Variants in PCDHA5 observed in about 807,000 individuals in gnomAD.
PCDHA5 encodes the protein protocadherin alpha 5.
A neutral mutation model predicts 61.6 loss-of-function variants in PCDHA5; 43 were observed. The ratio of observed to expected loss-of-function variants is 0.70; its 90% CI spans 0.55 to 0.90. PCDHA5 has a LOEUF of 0.90. Among genes scored for constraint, PCDHA5 ranks in the 40% least tolerant of loss-of-function variants. PCDHA5 has a pLI of 0.00. For missense variants in PCDHA5, 1,298 were observed against 1,222.7 expected, an observed-to-expected ratio of 1.06 and a Z score of -0.92; for synonymous variants, 627 against 543.9, an observed-to-expected ratio of 1.15 and a Z score of -2.13.
intron 1 of PCDHA5, among the ~76,000 whole-genome samples, chr5:140,872,820 T>C (rs1233972983): frequency 6.6e-6 from 1 of 152,216 alleles, no homozygotes; most frequent in African/African-American, 2.4e-5. Flanking sequence ...TTCAGATTCA[T>C]CTAGCAGAGA....
At chr5:140,860,219 A>C (rs2046275185) in intron 1 of PCDHA5, 1 of 151,166 alleles carries the variant, frequency 6.6e-6, no homozygotes, top group South Asian at 2.1e-4. Flanking sequence ...GTACTTATGT[A>C]TATATAAGCC....
At chr5:140,867,109 A>G (rs2049756406) in intron 1 of PCDHA5, 3 of 152,146 alleles carry the variant, frequency 2.0e-5, no homozygotes, top group South Asian at 2.1e-4. Context: ...CTAAATTAAC[A>G]TATTGTTTTA....
chr5:140,862,365 G>C, intron 1 of PCDHA5: 1 of 337,898 alleles, frequency 3.0e-6, no homozygotes, highest in South Asian at 2.4e-5. Flanking sequence ...CAGACGACCC[G>C]CACCCTGACT....
intron 1 of PCDHA5, among the ~76,000 whole-genome samples, chr5:140,873,284 T>C (rs1554166661): frequency 1.3e-5 from 2 of 152,208 alleles, no homozygotes; most frequent in Non-Finnish European, 2.9e-5. Context: ...ATACCACTTA[T>C]GAAACTTTAT....
intron 1 of PCDHA5, chr5:140,850,322 C>T (rs2150479524): frequency 2.5e-6 from 4 of 1,597,492 alleles, no homozygotes; most frequent in Non-Finnish European, 3.4e-6. Flanking sequence ...GGCTTTCATA[C>T]GAGCTGCAGC....
At chr5:140,923,304 G>T (rs933906504) in intron 1 of PCDHA5, among the ~76,000 whole-genome samples, 2 of 152,172 alleles carry the variant, frequency 1.3e-5, no homozygotes, top group East Asian at 3.9e-4. Context: ...TGGGCGTGGG[G>T]GCGCTTGGCC....
intron 1 of PCDHA5, among the ~76,000 whole-genome samples, chr5:140,924,901 A>AAAT (rs1554202313): frequency 5.5e-4 from 44 of 80,500 alleles, no homozygotes; most frequent in Non-Finnish European, 9.1e-4. Flanking sequence ...TCTCAAAAAA[A>AAAT]AAAATAAAAT....
intron 1 of PCDHA5, chr5:140,929,209 G>C (rs553616030): frequency 1.2e-6 from 2 of 1,613,936 alleles, no homozygotes. Context: ...GCTGTTGCGT[G>C]GGGAGTACAA....
rs2150119784 is a variant in PCDHA5 at position 140,822,844 on chromosome 5, C to T, written c.1069C>T (p.Pro357Ser). The T allele has an allele frequency of 6.2e-7, 1 of 1,614,188 alleles. No homozygotes were observed. Among genetic ancestry groups the T allele is most frequent in the East Asian group, 2.2e-5 (1 of 44,886 alleles). The change falls in exon 1 of 4, where the codon CCT becomes TCT. Residue 357 changes from proline (P) to serine (S), a missense_variant. Coordinates refer to ENST00000529859, the MANE Select transcript of PCDHA5 (RefSeq NM_018908.3). ...GATGGCCATAACCACCCTTTTCCTG[C>T]CTGTCAAAGAGGACGCTCCACTCAG... ...PEMAITTLFL[P>S]VKEDAPLSTV...
In PCDHA5 at chr5:140,855,846, C is replaced by T. The variant is rs112115141; in HGVS notation, c.2352+31719C>T. ...CATGGAATCGTACTTACACCTAAAG[C>T]CACCGGATGTCGCTGTCGTCCACAA... is the stretch of plus-strand genomic sequence containing the variant. On this transcript the variant is annotated intron_variant, in intron 1 of 3. Coordinates refer to ENST00000529859, the MANE Select transcript of PCDHA5 (RefSeq NM_018908.3). The T allele has an allele frequency of 3.0e-3, 1,971 of 647,788 alleles. 109 individuals are homozygous for T. In the African/African-American group the frequency reaches 0.032, roughly 11 times the overall value. The allele number at this position is 647,788 out of a possible 1,614,324, so 40.1% of individuals were successfully genotyped here.
At chr5:140,835,693 C>T (rs1773848999) in intron 1 of PCDHA5, 1 of 1,613,754 alleles carries the variant, frequency 6.2e-7, no homozygotes, top group African/African-American at 1.3e-5. Flanking sequence ...TCTCTGTGGG[C>T]CACTGCTAGC....
At chr5:140,838,543 T>C (rs1421001840) in intron 1 of PCDHA5, among the ~76,000 whole-genome samples, 2 of 152,028 alleles carry the variant, frequency 1.3e-5, no homozygotes, top group Non-Finnish European at 2.9e-5. Flanking sequence ...GGATATATCA[T>C]GATTTATTCA....
chr5:140,979,033 C>T, intron 2 of PCDHA5, 26 bp downstream of exon 2: 1 of 1,613,044 alleles, frequency 6.2e-7, no homozygotes, highest in Non-Finnish European at 8.5e-7. Flanking sequence ...CTCATTCACT[C>T]AGAAGTAACC....
intron 1 of PCDHA5, among the ~76,000 whole-genome samples, chr5:140,941,198 TC>T (rs2092794663): frequency 1.7e-5 from 2 of 119,812 alleles, no homozygotes; most frequent in African/African-American, 6.9e-5. Context: ...TTTTTTTCTT[TC>T]TTCCTTTCTT....
intron 1 of PCDHA5, among the ~76,000 whole-genome samples, chr5:140,960,338 G>A (rs2095541394): frequency 6.6e-6 from 1 of 152,172 alleles, no homozygotes; most frequent in Admixed American, 6.5e-5. Context: ...AGTACATGAG[G>A]TGAGATATGT....
At chr5:140,960,680 G>A (rs192174088) in intron 1 of PCDHA5, among the ~76,000 whole-genome samples, 2 of 152,162 alleles carry the variant, frequency 1.3e-5, no homozygotes, top group African/African-American at 4.8e-5. Context: ...AAACCTACTT[G>A]GGAATGAGGG....
intron 1 of PCDHA5, among the ~76,000 whole-genome samples, chr5:140,941,202 C>CCTTTCTTCCTTCCTTTCTTT (rs1394736170): frequency 8.1e-5 from 10 of 122,740 alleles, no homozygotes; most frequent in African/African-American, 2.1e-4. Context: ...TTTCTTTCTT[C>CCTTTCTTCCTTCCTTTCTTT]CTTTCTTTCT....
chr5:140,833,280 G>A (rs181122201), intron 1 of PCDHA5, among the ~76,000 whole-genome samples: 14 of 152,214 alleles, frequency 9.2e-5, no homozygotes, highest in African/African-American at 3.4e-4. Flanking sequence ...AACTTATTTA[G>A]GAAAGCATCT....
chr5:140,953,267 C>G (rs902465304), intron 1 of PCDHA5, among the ~76,000 whole-genome samples: 4 of 152,068 alleles, frequency 2.6e-5, no homozygotes, highest in African/African-American at 4.8e-5. Flanking sequence ...TTAGCTTTAG[C>G]CTTTGCTCTT....
Sources: gnomAD v4.1 joint callset for allele counts (sites outside exome capture counted in the v4.1 genomes callset) on GRCh38, gnomAD v4.1.1 for gene constraint, MANE v1.5 for transcripts, NCBI Gene and HGNC (gene_info 2026-07-23, HGNC 2026-07-21) for gene names.